The following NAALADL2 variants were observed in gnomAD, a reference collection of about 807,000 sequenced individuals.
NAALADL2 encodes N-acetylated alpha-linked acidic dipeptidase like 2.
NAALADL2 carries 76 observed loss-of-function variants against 87.2 expected under a neutral mutation model. That is an observed-to-expected ratio of 0.87 (90% CI 0.72 to 1.05). The LOEUF is 1.05. Among genes scored for constraint, NAALADL2 ranks in the 50% least tolerant of loss-of-function variants. NAALADL2 has a pLI of 0.00. For synonymous variants in NAALADL2, 354 were observed against 331.0 expected (o/e 1.07, Z -0.75); for missense variants, 1,089 against 945.8 (o/e 1.15, Z -1.99).
chr3:175,067,105 A>G (rs1714665041), intron 1 of NAALADL2, among the ~76,000 whole-genome samples: 1 of 152,164 alleles, frequency 6.6e-6, no homozygotes, highest in African/African-American at 2.4e-5. Context: ...ATGCTCTCTT[A>G]AAGATTTAAA....
chr3:175,354,718 A>G (rs1349644511), intron 5 of NAALADL2, among the ~76,000 whole-genome samples: 2 of 151,802 alleles, frequency 1.3e-5, no homozygotes, highest in Non-Finnish European at 2.9e-5. Flanking sequence ...CACAGACACA[A>G]TCATAACTCA....
At chr3:175,290,352 C>T (rs766371558) in intron 4 of NAALADL2, among the ~76,000 whole-genome samples, 1 of 152,232 alleles carries the variant, frequency 6.6e-6, no homozygotes, top group Admixed American at 6.5e-5. Context: ...CAAAAGAGTA[C>T]ATACTTTATG....
chr3:175,128,229 A>G (rs1727266364), intron 2 of NAALADL2, among the ~76,000 whole-genome samples: 1 of 152,196 alleles, frequency 6.6e-6, no homozygotes, highest in Admixed American at 6.5e-5. Context: ...TTTTATTTAA[A>G]GCATTTTTAA....
At chr3:174,967,015 G>A (rs1263804330) in intron 1 of NAALADL2, among the ~76,000 whole-genome samples, 1 of 152,122 alleles carries the variant, frequency 6.6e-6, no homozygotes, top group Non-Finnish European at 1.5e-5. Flanking sequence ...TATTTAAAAA[G>A]AACTAGGATA....
chr3:175,637,225 A>C (rs1259026694), intron 11 of NAALADL2, among the ~76,000 whole-genome samples: 2 of 152,168 alleles, frequency 1.3e-5, no homozygotes, highest in Non-Finnish European at 2.9e-5. Context: ...AGTCTGAGAT[A>C]TGTTTGTCAA....
intron 12 of NAALADL2, among the ~76,000 whole-genome samples, chr3:175,738,924 AT>A (rs1362110585): frequency 3.9e-5 from 6 of 152,074 alleles, no homozygotes; most frequent in South Asian, 2.1e-4. Context: ...TTTTGCAAAT[AT>A]TTTTTTAAAC....
At chr3:174,647,164 C>T (rs1723879073) in intron 2 of NAALADL2, among the ~76,000 whole-genome samples, 1 of 152,160 alleles carries the variant, frequency 6.6e-6, no homozygotes, top group Non-Finnish European at 1.5e-5. Flanking sequence ...TGACTTCTCA[C>T]AGCAACACTA....
At chr3:174,994,315 A>G (rs1161617181) in intron 1 of NAALADL2, among the ~76,000 whole-genome samples, 1 of 152,230 alleles carries the variant, frequency 6.6e-6, no homozygotes, top group Admixed American at 6.5e-5. Flanking sequence ...GAGGGTTCTC[A>G]GAGAAAGAGG....
chr3:175,554,698 C>G (rs1267031523), intron 9 of NAALADL2, among the ~76,000 whole-genome samples: 1 of 151,918 alleles, frequency 6.6e-6, no homozygotes, highest in African/African-American at 2.4e-5. Flanking sequence ...GGGTTAACAA[C>G]TTTAGAAATC....
chr3:175,169,323 C>T (rs1381128), intron 2 of NAALADL2, among the ~76,000 whole-genome samples: 126,517 of 151,224 alleles, frequency 0.84, 53,194 homozygotes, highest in East Asian at 0.93. Context: ...TTTCTGAAGT[C>T]TGGACAGCTA....
chr3:175,479,942 T>G (rs955705038), intron 9 of NAALADL2, among the ~76,000 whole-genome samples: 1 of 151,772 alleles, frequency 6.6e-6, no homozygotes, highest in Non-Finnish European at 1.5e-5. Flanking sequence ...CAATTCAGCC[T>G]AAGGAAGAAT....
intron 3 of NAALADL2, among the ~76,000 whole-genome samples, chr3:174,836,404 T>C (rs1388323107): frequency 6.6e-6 from 1 of 152,138 alleles, no homozygotes; most frequent in Non-Finnish European, 1.5e-5. Flanking sequence ...TGGAGATTGG[T>C]TGCACAACAA....
chr3:174,873,639 A>G (rs554833985), intron 1 of NAALADL2, among the ~76,000 whole-genome samples: 15 of 152,152 alleles, frequency 9.9e-5, no homozygotes, highest in Non-Finnish European at 2.2e-4. Flanking sequence ...TTGAACATAC[A>G]TCAGTCATGG....
chr3:174,826,258 T>A (rs911383136), intron 3 of NAALADL2, among the ~76,000 whole-genome samples: 5 of 152,230 alleles, frequency 3.3e-5, no homozygotes, highest in Non-Finnish European at 5.9e-5. Context: ...AGACTATGTA[T>A]ATTCAGCACC....
intron 2 of NAALADL2, among the ~76,000 whole-genome samples, chr3:174,566,681 ACT>A (rs1247567747): frequency 1.3e-5 from 2 of 151,332 alleles, no homozygotes; most frequent in African/African-American, 2.4e-5. Context: ...CTGTGCTCCA[ACT>A]ACTTAATTTC....
intron 3 of NAALADL2, among the ~76,000 whole-genome samples, chr3:174,768,398 G>T (rs573239981): frequency 6.6e-6 from 1 of 152,196 alleles, no homozygotes; most frequent in Admixed American, 6.5e-5. Flanking sequence ...AGTTATTTTT[G>T]ATTACCTTTG....
At chr3:174,671,015 G>T (rs767735506) in intron 2 of NAALADL2, among the ~76,000 whole-genome samples, 2 of 152,010 alleles carry the variant, frequency 1.3e-5, no homozygotes, top group Admixed American at 1.3e-4. Flanking sequence ...TGCTTTAGCC[G>T]TGTAAAATGT....
At chr3:174,449,862 GT>G (rs1010730929) in intron 1 of NAALADL2, among the ~76,000 whole-genome samples, 2 of 151,794 alleles carry the variant, frequency 1.3e-5, no homozygotes, top group African/African-American at 2.4e-5. Flanking sequence ...TCTCTTTTCA[GT>G]TTTTTTCTGT....
intron 5 of NAALADL2, among the ~76,000 whole-genome samples, chr3:175,345,937 C>G (rs968019944): frequency 1.3e-5 from 2 of 152,050 alleles, no homozygotes; most frequent in Non-Finnish European, 2.9e-5. Context: ...AAAATTTACC[C>G]TACCCAGAAT....
Sources: gnomAD v4.1 joint callset for allele counts (sites outside exome capture counted in the v4.1 genomes callset) on GRCh38, gnomAD v4.1.1 for gene constraint, MANE v1.5 for transcripts, NCBI Gene and HGNC (gene_info 2026-07-23, HGNC 2026-07-21) for gene names.